PCDHA6: variants seen among roughly 807,000 people sequenced by gnomAD.
PCDHA6 encodes the protein protocadherin alpha-6.
Under a neutral mutation model 60.3 loss-of-function variants are expected in PCDHA6, and 55 were observed. The ratio of observed to expected loss-of-function variants is 0.91; its 90% CI spans 0.73 to 1.14. The LOEUF is 1.14. Ranked by LOEUF, PCDHA6 falls within the 50% of genes most tolerant of loss-of-function variation. The pLI is 0.00. For missense variants in PCDHA6, 1,327 were observed against 1,256.5 expected, an observed-to-expected ratio of 1.06 and a Z score of -0.85; for synonymous variants, 652 against 557.9, an observed-to-expected ratio of 1.17 and a Z score of -2.38.
rs2150178008 is a variant in PCDHA6, at chr5:140,829,930, C to G, written c.1839C>G (p.Pro613=). The change falls in exon 1 of 4, where the codon CCC becomes CCG. Residue 613 remains proline, a synonymous_variant. Coordinates refer to ENST00000529310, the MANE Select transcript of PCDHA6 (RefSeq NM_018909.4). ...CGTGGCTTTCGTATGAGCTGCAGCC[C>G]CCGGCAAGCAGCGCTCGCTTCCCGT... ...YNAWLSYELQ[P]PASSARFPFR... 1.2e-6 allele frequency: 2 copies of G among 1,613,986 alleles called. No homozygotes were observed. The highest frequency in any genetic ancestry group is 1.7e-6 in the Non-Finnish European group (2 of 1,179,916).
intron 1 of PCDHA6, chr5:140,848,198 C>A (rs891964710): frequency 3.2e-6 from 1 of 311,390 alleles, no homozygotes; most frequent in Non-Finnish European, 5.9e-6. Flanking sequence ...TCTGTTTCAA[C>A]AATCATTACT....
chr5:140,851,595 G>C (rs1470017891), intron 1 of PCDHA6: 1 of 919,210 alleles, frequency 1.1e-6, no homozygotes, highest in South Asian at 5.0e-5. Context: ...TTGAAATTCA[G>C]TTTACAGAAA....
intron 1 of PCDHA6, chr5:140,852,686 T>G: frequency 1.0e-6 from 1 of 969,714 alleles, no homozygotes; most frequent in Non-Finnish European, 1.2e-6. Context: ...TTGAATATAG[T>G]CTTATACTTT....
intron 3 of PCDHA6, among the ~76,000 whole-genome samples, chr5:141,001,099 C>A (rs1554258004): frequency 6.6e-6 from 1 of 151,694 alleles, no homozygotes; most frequent in African/African-American, 2.4e-5. Context: ...CTGTCTAATC[C>A]ATAATAAGCA....
chr5:140,965,238 A>G (rs540671197), intron 1 of PCDHA6, among the ~76,000 whole-genome samples: 3 of 152,196 alleles, frequency 2.0e-5, no homozygotes, highest in Non-Finnish European at 2.9e-5. Context: ...ACCTGGGAAG[A>G]GTGAATATTC....
At chr5:140,999,521 T>C (rs1554256849) in intron 3 of PCDHA6, among the ~76,000 whole-genome samples, 1 of 152,106 alleles carries the variant, frequency 6.6e-6, no homozygotes, top group Non-Finnish European at 1.5e-5. Flanking sequence ...AGCATTTTGT[T>C]ACCCCCTGGA....
rs1305500600 is a variant in PCDHA6, at chr5:140,846,627, G to A, written c.2394+16142G>A. On this transcript the variant is annotated intron_variant, in intron 1 of 3. Transcript: ENST00000529310. Reference sequence around the variant, plus strand: ...CTGACCTCCTGATCCGCCCACTTCGGCCTCCTAAAGTGCTGGGATTACAGG... The same window carrying A: ...CTGACCTCCTGATCCGCCCACTTCGACCTCCTAAAGTGCTGGGATTACAGG... Among the ~76,000 whole-genome samples, 7 of 148,870 alleles carry A rather than the reference G, an allele frequency of 4.7e-5. No individual in the cohort carries two copies. In the Admixed American group the frequency reaches 4.7e-4, roughly 10 times the overall value.
intron 1 of PCDHA6, chr5:140,928,471 G>A: frequency 6.2e-7 from 1 of 1,614,148 alleles, no homozygotes; most frequent in South Asian, 1.1e-5. Context: ...CCAAGTAGAA[G>A]GCCGGGATGG....
chr5:140,900,095 C>G (rs1299633318), intron 1 of PCDHA6, among the ~76,000 whole-genome samples: 1 of 152,160 alleles, frequency 6.6e-6, no homozygotes, highest in Non-Finnish European at 1.5e-5. Flanking sequence ...CAAGCATGCG[C>G]CACCATACCT....
Position 140,968,423 on chromosome 5 carries a change from G to A in PCDHA6, c.2395-10526G>A, listed in dbSNP as rs782235507. The A allele has an allele frequency of 1.9e-6, 3 of 1,614,028 alleles. No homozygotes were observed. The South Asian group carries it at 3.3e-5, about 18-fold the overall frequency. On this transcript the variant is annotated intron_variant, in intron 1 of 3. Transcript: ENST00000529310. ...GTTCTTTGTGACTGTGGAGGCTCAG[G>A]ACAAGGGGAGCCCACCACTGAGCAG...
chr5:140,835,730 C>T (rs1773881312), intron 1 of PCDHA6: 30 of 1,613,686 alleles, frequency 1.9e-5, no homozygotes, highest in Non-Finnish European at 2.5e-5. Context: ...CCGACGTGAA[C>T]GACAACGCCC....
At chr5:140,963,437 A>G (rs1218824827) in intron 1 of PCDHA6, among the ~76,000 whole-genome samples, 2 of 152,144 alleles carry the variant, frequency 1.3e-5, no homozygotes, top group African/African-American at 4.8e-5. Context: ...CTAACTTCAT[A>G]CTCTGTTGCT....
intron 1 of PCDHA6, among the ~76,000 whole-genome samples, chr5:140,891,347 A>G (rs1554184792): frequency 6.6e-6 from 1 of 151,926 alleles, no homozygotes; most frequent in African/African-American, 2.4e-5. Context: ...ATTTTGGTGC[A>G]TCCATCACCT....
chr5:140,985,338 A>G (rs2153836548), intron 3 of PCDHA6, among the ~76,000 whole-genome samples: 1 of 152,280 alleles, frequency 6.6e-6, no homozygotes, highest in South Asian at 2.1e-4. Flanking sequence ...TCTCATTTGC[A>G]GGCCCAGATA....
At chr5:140,897,237 G>C (rs1188679482) in intron 1 of PCDHA6, among the ~76,000 whole-genome samples, 1 of 151,784 alleles carries the variant, frequency 6.6e-6, no homozygotes, top group African/African-American at 2.4e-5. Context: ...CAATGTGCAG[G>C]TTAGTTACAT....
chr5:140,858,005 C>T, intron 1 of PCDHA6: 1 of 1,596,884 alleles, frequency 6.3e-7, no homozygotes, highest in East Asian at 2.2e-5. Flanking sequence ...GGTGAAGGAC[C>T]ATGGCGAGCC....
intron 1 of PCDHA6, among the ~76,000 whole-genome samples, chr5:140,886,521 C>A (rs1056353739): frequency 5.9e-5 from 9 of 152,038 alleles, no homozygotes; most frequent in African/African-American, 1.9e-4. Flanking sequence ...TTAAGGTCTG[C>A]ATATTCAGTT....
intron 1 of PCDHA6, chr5:140,858,122 G>A (rs2045205238): frequency 1.3e-6 from 2 of 1,597,922 alleles, no homozygotes; most frequent in Non-Finnish European, 1.7e-6. Flanking sequence ...GGTGGCCCTG[G>A]TGGATGTCAA....
chr5:140,870,409 G>T, intron 1 of PCDHA6: 1 of 1,614,226 alleles, frequency 6.2e-7, no homozygotes, highest in South Asian at 1.1e-5. Context: ...TTCTCTGTGG[G>T]CCACGGCCAG....
Sources: gnomAD v4.1 joint callset for allele counts (sites outside exome capture counted in the v4.1 genomes callset) on GRCh38, gnomAD v4.1.1 for gene constraint, MANE v1.5 for transcripts, NCBI Gene and HGNC (gene_info 2026-07-23, HGNC 2026-07-21) for gene names.